Variants in COMMD10 observed in about 807,000 individuals in gnomAD.
COMMD10 encodes the protein COMM domain-containing protein 10.
Under a neutral mutation model 28.9 loss-of-function variants are expected in COMMD10, and 33 were observed. The ratio of observed to expected loss-of-function variants is 1.14; its 90% CI spans 0.87 to 1.53. COMMD10 has a LOEUF of 1.53. Among genes scored for constraint, COMMD10 ranks in the 40% most tolerant of loss-of-function variants. COMMD10 has a pLI of 0.00. For missense variants in COMMD10, 310 were observed against 233.4 expected, an observed-to-expected ratio of 1.33 and a Z score of -2.14; for synonymous variants, 110 against 81.7, an observed-to-expected ratio of 1.35 and a Z score of -1.87.
In COMMD10 at chr5:116,291,540, A is replaced by G. The variant is rs1456825634; in HGVS notation, c.534A>G (p.Glu178=). 1.9e-6 allele frequency: 3 copies of G among 1,602,814 alleles called. No homozygotes were observed. The Admixed American group carries it at 5.1e-5, about 27-fold the overall frequency. ...DSKSLEKVLV[E]FSHKELFDFY... Reference sequence around the variant, plus strand: ...AGAGCCTGGAGAAAGTTCTTGTGGAATTCAGTCACAAGGAGTTGTTTGATT... The same window carrying G: ...AGAGCCTGGAGAAAGTTCTTGTGGAGTTCAGTCACAAGGAGTTGTTTGATT... Residue 178 remains glutamate, a synonymous_variant, in exon 6 of 7, where the codon GAA becomes GAG. Transcript: ENST00000274458.
intron 4 of COMMD10, among the ~76,000 whole-genome samples, chr5:116,116,966 C>G (rs190249892): frequency 6.6e-6 from 1 of 152,116 alleles, no homozygotes; most frequent in African/African-American, 2.4e-5. Flanking sequence ...TACTTTCAAC[C>G]TCATCCTCAC....
At chr5:116,107,709 G>A (rs1367908343) in intron 4 of COMMD10, among the ~76,000 whole-genome samples, 13 of 152,084 alleles carry the variant, frequency 8.5e-5, no homozygotes, top group African/African-American at 2.7e-4. Context: ...TCTCCGTCCA[G>A]TTTTGTTCCC....
chr5:116,270,035 A>G lies in COMMD10; in HGVS notation c.511-21482A>G, dbSNP rs367629350. On this transcript the variant is annotated intron_variant, in intron 5 of 6. Transcript: ENST00000274458. The stretch of plus-strand genomic sequence containing the variant: ...AAGCCTTCTAATCTAAGGTTAGTAA[A>G]TGGACAGCATTTAAAAAAATATTCT... Among the ~76,000 whole-genome samples, 16 of 53,722 alleles carry G rather than the reference A, an allele frequency of 3.0e-4. No individual in the cohort carries two copies. The East Asian group carries it at 7.7e-3, about 26-fold the overall frequency. The allele number at this position is 53,722 out of a possible 152,430, so 35.2% of individuals were successfully genotyped here.
At chr5:116,264,571 C>G (rs1370319093) in intron 5 of COMMD10, among the ~76,000 whole-genome samples, 3 of 151,846 alleles carry the variant, frequency 2.0e-5, no homozygotes, top group East Asian at 1.9e-4. Context: ...AAGGTCAAGT[C>G]AAGGCTTAAT....
At chr5:116,197,775 TATA>T (rs1266273185) in intron 5 of COMMD10, among the ~76,000 whole-genome samples, 2 of 152,150 alleles carry the variant, frequency 1.3e-5, no homozygotes, top group African/African-American at 4.8e-5. Context: ...CAGATTAAAG[TATA>T]GTTCCCTGTG....
intron 4 of COMMD10, among the ~76,000 whole-genome samples, chr5:116,130,444 G>C (rs745743406): frequency 5.3e-5 from 8 of 151,880 alleles, no homozygotes; most frequent in Non-Finnish European, 8.8e-5. Context: ...TATTGACCCT[G>C]CTTCTCCGTC....
intron 5 of COMMD10, among the ~76,000 whole-genome samples, chr5:116,209,572 G>A (rs1190701573): frequency 6.6e-6 from 1 of 152,124 alleles, no homozygotes; most frequent in African/African-American, 2.4e-5. Context: ...GCTAGTATGT[G>A]TGGTACTACT....
chr5:116,099,358 A>C (rs1418262057), intron 4 of COMMD10, among the ~76,000 whole-genome samples: 1 of 152,184 alleles, frequency 6.6e-6, no homozygotes, highest in African/African-American at 2.4e-5. Context: ...GTTGACAGAC[A>C]CTTAGGTTGT....
rs150648938 is a variant in COMMD10 at position 116,181,559 on chromosome 5, C to T, written c.510+47381C>T. Among the ~76,000 whole-genome samples, 6 of 151,398 alleles carry T rather than the reference C, an allele frequency of 4.0e-5. No homozygotes were observed. The East Asian group carries it at 1.2e-3, about 29-fold the overall frequency. ...AAACATGGTTAATCATAAAAATCCA[C>T]ATAAAGAAGGAAATAATAATAGGAA... On this transcript the variant is annotated intron_variant, in intron 5 of 6. Transcript: ENST00000274458.
chr5:116,221,853 C>T (rs571942331), intron 5 of COMMD10, among the ~76,000 whole-genome samples: 1 of 152,162 alleles, frequency 6.6e-6, no homozygotes, highest in East Asian at 1.9e-4. Flanking sequence ...CACATTTTTT[C>T]TTACCAGAGA....
At chr5:116,255,208 G>A (rs562921697) in intron 5 of COMMD10, among the ~76,000 whole-genome samples, 1 of 151,588 alleles carries the variant, frequency 6.6e-6, no homozygotes, top group Non-Finnish European at 1.5e-5. Flanking sequence ...CCGTGAGATG[G>A]GTTTCCTGAA....
intron 5 of COMMD10, among the ~76,000 whole-genome samples, chr5:116,282,152 A>G (rs1424520169): frequency 6.6e-6 from 1 of 151,810 alleles, no homozygotes; most frequent in Admixed American, 6.6e-5. Context: ...ACTCAGTTCC[A>G]TCCCTCCAGC....
At chr5:116,177,527 C>T (rs536429124) in intron 5 of COMMD10, among the ~76,000 whole-genome samples, 4 of 78,192 alleles carry the variant, frequency 5.1e-5, no homozygotes, top group Admixed American at 1.2e-4. Context: ...TCTAAGTGAC[C>T]CCCCCCACCC....
chr5:116,258,108 A>G (rs1233756055), intron 5 of COMMD10, among the ~76,000 whole-genome samples: 1 of 151,806 alleles, frequency 6.6e-6, no homozygotes, highest in Non-Finnish European at 1.5e-5. Flanking sequence ...TTCATATTGA[A>G]TTTAAAGGCA....
intron 4 of COMMD10, among the ~76,000 whole-genome samples, chr5:116,128,130 T>C (rs1042520502): frequency 2.0e-5 from 3 of 152,084 alleles, no homozygotes; most frequent in Admixed American, 6.6e-5. Flanking sequence ...ATTTACATTT[T>C]CTTTTCCTAT....
chr5:116,104,005 T>A (rs951364317), intron 4 of COMMD10, among the ~76,000 whole-genome samples: 1 of 152,210 alleles, frequency 6.6e-6, no homozygotes, highest in Admixed American at 6.5e-5. Context: ...TCCATTGGTC[T>A]ATATGTCTGT....
intron 5 of COMMD10, among the ~76,000 whole-genome samples, chr5:116,264,463 T>C (rs1156616955): frequency 6.6e-6 from 1 of 151,872 alleles, no homozygotes; most frequent in Non-Finnish European, 1.5e-5. Flanking sequence ...TACTGTTACA[T>C]TCACTGTAGC....
intron 5 of COMMD10, among the ~76,000 whole-genome samples, chr5:116,160,395 G>A (rs1752877727): frequency 6.6e-6 from 1 of 152,130 alleles, no homozygotes; most frequent in South Asian, 2.1e-4. Flanking sequence ...CCTTCTCATA[G>A]TAACTTAGCA....
intron 5 of COMMD10, among the ~76,000 whole-genome samples, chr5:116,280,768 A>G (rs1210986668): frequency 5.3e-5 from 8 of 151,896 alleles, no homozygotes; most frequent in Non-Finnish European, 1.5e-5. Flanking sequence ...TCAACAAATA[A>G]TAATAGAGAT....
Sources: gnomAD v4.1 joint callset for allele counts (sites outside exome capture counted in the v4.1 genomes callset) on GRCh38, gnomAD v4.1.1 for gene constraint, MANE v1.5 for transcripts, NCBI Gene and HGNC (gene_info 2026-07-23, HGNC 2026-07-21) for gene names.